Variants in GALNT17 observed in about 807,000 individuals in gnomAD.
GALNT17 encodes UDP-GalNAc:polypeptide N-acetylgalactosaminyltransferase-like 3.
A neutral mutation model predicts 63.7 loss-of-function variants in GALNT17; 29 were observed. The ratio of observed to expected loss-of-function variants is 0.46; its 90% CI spans 0.34 to 0.62. The LOEUF (loss-of-function observed/expected upper bound fraction) is 0.62. GALNT17 is among the 20% of genes least tolerant of loss of function. GALNT17 has a pLI of 0.01. For missense variants in GALNT17, 603 were observed against 799.6 expected, an observed-to-expected ratio of 0.75 and a Z score of 2.97; for synonymous variants, 305 against 318.3, an observed-to-expected ratio of 0.96 and a Z score of 0.45.
At position 71,353,413 on chromosome 7, in the gene GALNT17, CA is replaced by C. The variant is rs1245157524; in HGVS notation, c.422+17681del. Among the ~76,000 whole-genome samples the C allele has an allele frequency of 5.9e-5, 9 of 152,208 alleles. No homozygotes were observed. The East Asian group carries it at 1.7e-3, about 29-fold the overall frequency. Reference sequence around the variant, plus strand: ...ATAGTATTGCCTATCCACATTTCACCAGTTGTCTCAATAATGTCCTTTACAG... The same window carrying C: ...ATAGTATTGCCTATCCACATTTCACCGTTGTCTCAATAATGTCCTTTACAG... On this transcript the variant is annotated intron_variant, in intron 2 of 10. Coordinates refer to ENST00000333538, the MANE Select transcript of GALNT17 (RefSeq NM_022479.3).
chr7:71,278,868 C>G (rs1270927331), intron 1 of GALNT17, among the ~76,000 whole-genome samples: 1 of 151,660 alleles, frequency 6.6e-6, no homozygotes, highest in Non-Finnish European at 1.5e-5. Context: ...GGGACACAGC[C>G]AAACCGTATC....
intron 5 of GALNT17, among the ~76,000 whole-genome samples, chr7:71,516,601 T>C (rs749573089): frequency 6.6e-6 from 1 of 152,134 alleles, no homozygotes; most frequent in Non-Finnish European, 1.5e-5. Flanking sequence ...CAGGTATACA[T>C]CTTGTGCTCT....
chr7:71,666,947 G>T (rs1476831360), intron 7 of GALNT17, among the ~76,000 whole-genome samples: 1 of 152,234 alleles, frequency 6.6e-6, no homozygotes, highest in African/African-American at 2.4e-5. Context: ...GAGGATAATA[G>T]CAGATTCTCC....
At chr7:71,585,142 T>G (rs1229201915) in intron 6 of GALNT17, among the ~76,000 whole-genome samples, 1 of 152,210 alleles carries the variant, frequency 6.6e-6, no homozygotes, top group Non-Finnish European at 1.5e-5. Flanking sequence ...CTTTATTTTT[T>G]CCTTTCTTTC....
At chr7:71,371,251 T>C (rs1792618296) in intron 2 of GALNT17, among the ~76,000 whole-genome samples, 1 of 152,212 alleles carries the variant, frequency 6.6e-6, no homozygotes, top group Non-Finnish European at 1.5e-5. Context: ...CATGAATTGA[T>C]CTAAATCGAT....
chr7:71,213,427 A>G (rs2116397968), intron 1 of GALNT17, among the ~76,000 whole-genome samples: 1 of 151,428 alleles, frequency 6.6e-6, no homozygotes, highest in African/African-American at 2.4e-5. Flanking sequence ...ATTGGTATTT[A>G]TTTATATGTT....
chr7:71,492,534 C>T (rs1788028353), intron 5 of GALNT17, among the ~76,000 whole-genome samples: 1 of 152,156 alleles, frequency 6.6e-6, no homozygotes. Context: ...AGCCACTATC[C>T]TCATTCAACC....
Position 71,246,828 on chromosome 7 carries a change from C to CAA in GALNT17, c.239-88712_239-88711dup, listed in dbSNP as rs60216940. On this transcript the variant is annotated intron_variant, in intron 1 of 10. Coordinates refer to ENST00000333538, the MANE Select transcript of GALNT17 (RefSeq NM_022479.3). ...TGGGCGACAGAGCGAGACTCCGTCT[C>CAA]AAAAAAAAAAAGAGATTATAATTAT... 1.3e-3 allele frequency among the ~76,000 whole-genome samples: 194 copies of CAA among 145,524 alleles called. 1 individual carries two copies. Among genetic ancestry groups the CAA allele is most frequent in the African/African-American group, 4.0e-3 (159 of 39,812 alleles).
chr7:71,446,061 G>A (rs1027619478), intron 5 of GALNT17, among the ~76,000 whole-genome samples: 1 of 152,164 alleles, frequency 6.6e-6, no homozygotes, highest in African/African-American at 2.4e-5. Flanking sequence ...ATTATATGAG[G>A]AGGGAGGAGC....
intron 5 of GALNT17, among the ~76,000 whole-genome samples, chr7:71,539,487 A>G (rs1788852795): frequency 6.6e-6 from 1 of 152,132 alleles, no homozygotes; most frequent in South Asian, 2.1e-4. Context: ...CTTTACAAAG[A>G]TGTGTGTGCG....
chr7:71,418,255 T>G (rs1786583704), intron 4 of GALNT17, among the ~76,000 whole-genome samples: 2 of 152,220 alleles, frequency 1.3e-5, no homozygotes, highest in African/African-American at 4.8e-5. Flanking sequence ...GACTTTAGTC[T>G]TTGCCATTCA....
intron 6 of GALNT17, among the ~76,000 whole-genome samples, chr7:71,609,093 T>C (rs1271518595): frequency 3.9e-5 from 6 of 152,166 alleles, no homozygotes; most frequent in Non-Finnish European, 7.4e-5. Flanking sequence ...CTTTTACTCT[T>C]CCTGATCAAA....
chr7:71,536,555 G>A (rs1788805372), intron 5 of GALNT17, among the ~76,000 whole-genome samples: 3 of 152,142 alleles, frequency 2.0e-5, no homozygotes, highest in African/African-American at 7.2e-5. Context: ...AGAAAATGAG[G>A]AAGATGCAAA....
chr7:71,341,334 A>G (rs940500833), intron 2 of GALNT17, among the ~76,000 whole-genome samples: 7 of 152,242 alleles, frequency 4.6e-5, no homozygotes, highest in African/African-American at 1.7e-4. Flanking sequence ...TTCAACATCC[A>G]CTAATGAGAA....
At chr7:71,536,985 A>G (rs1788812563) in intron 5 of GALNT17, among the ~76,000 whole-genome samples, 2 of 152,126 alleles carry the variant, frequency 1.3e-5, no homozygotes, top group South Asian at 4.1e-4. Flanking sequence ...TACCATGCGC[A>G]TTCAAACCTC....
chr7:71,569,598 A>C (rs2116873900), intron 5 of GALNT17, among the ~76,000 whole-genome samples: 1 of 152,180 alleles, frequency 6.6e-6, no homozygotes. Flanking sequence ...TTTTCAAAGG[A>C]GCTGTTGGGT....
chr7:71,452,691 T>C (rs1787285307), intron 5 of GALNT17, among the ~76,000 whole-genome samples: 1 of 152,350 alleles, frequency 6.6e-6, no homozygotes, highest in African/African-American at 2.4e-5. Flanking sequence ...CCTTGGTTTG[T>C]TCCTGAGAAG....
At chr7:71,533,008 C>A (rs751177297) in intron 5 of GALNT17, among the ~76,000 whole-genome samples, 3 of 152,134 alleles carry the variant, frequency 2.0e-5, no homozygotes, top group Non-Finnish European at 2.9e-5. Flanking sequence ...AATAAATGCT[C>A]ATGTTTCTCT....
intron 6 of GALNT17, among the ~76,000 whole-genome samples, chr7:71,622,700 G>A (rs1183130970): frequency 6.6e-6 from 1 of 152,078 alleles, no homozygotes; most frequent in Non-Finnish European, 1.5e-5. Context: ...CTGCTCTTCT[G>A]GTCTGGTTAG....
Sources: gnomAD v4.1 joint callset for allele counts (sites outside exome capture counted in the v4.1 genomes callset) on GRCh38, gnomAD v4.1.1 for gene constraint, MANE v1.5 for transcripts, NCBI Gene and HGNC (gene_info 2026-07-23, HGNC 2026-07-21) for gene names.